PRPF18: variants seen among roughly 807,000 people sequenced by gnomAD.
The protein encoded by PRPF18 is pre-mRNA-splicing factor 18.
A neutral mutation model predicts 46.5 loss-of-function variants in PRPF18; 38 were observed. The observed-to-expected ratio is 0.82, with a 90% confidence interval of 0.63 to 1.07. PRPF18 has a LOEUF of 1.07. Among genes scored for constraint, PRPF18 ranks in the 50% least tolerant of loss-of-function variants. The pLI is 0.00. For synonymous variants in PRPF18, 152 were observed against 146.7 expected (o/e 1.04, Z -0.26); for missense variants, 263 against 410.0 (o/e 0.64, Z 3.10).
chr10:13,650,442 A>G, the PRPF18 span, among the ~76,000 whole-genome samples: 1 of 152,138 alleles, frequency 6.6e-6, no homozygotes, highest in African/African-American at 2.4e-5. Flanking sequence ...TCGTGTATGT[A>G]TGTAGGTATT....
chr10:13,636,491 C>T, the PRPF18 span, among the ~76,000 whole-genome samples: 52 of 152,242 alleles, frequency 3.4e-4, no homozygotes, highest in Non-Finnish European at 5.0e-4. Flanking sequence ...TCTAGTGTTA[C>T]GCGTCAAGTG....
chr10:13,623,951 T>C (rs755624412), intron 9 of PRPF18, among the ~76,000 whole-genome samples: 1 of 152,222 alleles, frequency 6.6e-6, no homozygotes, highest in African/African-American at 2.4e-5. Context: ...ATTTACCATC[T>C]TAATCATTTT....
rs1383527860 is a variant in PRPF18 at position 13,630,835 on chromosome 10, C to T, written c.*495C>T. 6.6e-6 allele frequency: 1 copy of T among 152,010 alleles called. No homozygotes were observed. Among genetic ancestry groups the T allele is most frequent in the African/African-American group, 2.4e-5 (1 of 41,382 alleles). 9.4% of individuals were successfully genotyped at this position (152,010 alleles called of 1,614,324 possible). On this transcript the variant is annotated 3_prime_UTR_variant, in exon 10 of 10. Coordinates refer to ENST00000378572, the MANE Select transcript of PRPF18 (RefSeq NM_003675.4). Reference sequence around the variant, plus strand: ...ATGTTGCTGAACTTTTGCTGTCTTGCAATAGAATTTGAATGTAAATATTAT... The same window carrying T: ...ATGTTGCTGAACTTTTGCTGTCTTGTAATAGAATTTGAATGTAAATATTAT...
the PRPF18 span, chr10:13,651,642 C>A: frequency 2.4e-6 from 1 of 423,386 alleles, no homozygotes; most frequent in African/African-American, 2.0e-5. Context: ...CACTGCACTC[C>A]AGCCTGGGCA....
At chr10:13,601,778 A>G (rs2080113857) in intron 3 of PRPF18, among the ~76,000 whole-genome samples, 1 of 152,198 alleles carries the variant, frequency 6.6e-6, no homozygotes, top group African/African-American at 2.4e-5. Flanking sequence ...GGAGACTTTC[A>G]TGATAAAATA....
At chr10:13,620,381 A>T (rs556335168) in intron 9 of PRPF18, among the ~76,000 whole-genome samples, 2 of 152,348 alleles carry the variant, frequency 1.3e-5, no homozygotes, top group South Asian at 4.1e-4. Context: ...GGAGGTAATT[A>T]TGAAAATCAT....
At chr10:13,590,014 A>G (rs572249949) in intron 1 of PRPF18, among the ~76,000 whole-genome samples, 17 of 152,220 alleles carry the variant, frequency 1.1e-4, no homozygotes, top group Non-Finnish European at 1.9e-4. Flanking sequence ...CTTTAAAGGG[A>G]AAAGTGAATC....
the PRPF18 span, among the ~76,000 whole-genome samples, chr10:13,637,587 AT>A: frequency 1.3e-5 from 2 of 152,126 alleles, no homozygotes. Context: ...AGATATCTGT[AT>A]TGCAAATAAG....
chr10:13,596,980 T>C (rs943628657), intron 1 of PRPF18, among the ~76,000 whole-genome samples: 4 of 152,168 alleles, frequency 2.6e-5, no homozygotes, highest in Non-Finnish European at 5.9e-5. Flanking sequence ...TATAATAAGG[T>C]TCCAGGTAAC....
chr10:13,611,697 G>T lies in PRPF18; in HGVS notation c.579+14G>T. 6.2e-7 allele frequency: 1 copy of T among 1,609,972 alleles called. No homozygotes were observed. The highest frequency in any genetic ancestry group is 1.1e-5 in the South Asian group (1 of 90,960). ...AAATTCCTGAAGGTGCGTGTCTTAGGCGAGGGGATGAGGATGCCTTGGATC... is the reference window on the plus strand; with the variant it reads ...AAATTCCTGAAGGTGCGTGTCTTAGTCGAGGGGATGAGGATGCCTTGGATC... On this transcript the variant is annotated intron_variant, in intron 6 of 9. Transcript: ENST00000378572.
At chr10:13,619,438 A>ACACC (rs1379348812) in intron 9 of PRPF18, among the ~76,000 whole-genome samples, 1 of 152,222 alleles carries the variant, frequency 6.6e-6, no homozygotes, top group African/African-American at 2.4e-5. Context: ...ATGGAGGAAG[A>ACACC]CACCCACCTC....
intron 1 of PRPF18, among the ~76,000 whole-genome samples, chr10:13,595,656 TA>T (rs934309192): frequency 6.6e-6 from 1 of 152,178 alleles, no homozygotes; most frequent in Non-Finnish European, 1.5e-5. Flanking sequence ...AAAAAGGGGT[TA>T]ATACTATTTG....
intron 3 of PRPF18, 121 bp downstream of exon 3, chr10:13,600,469 C>A: frequency 1.5e-6 from 1 of 673,394 alleles, no homozygotes; most frequent in Non-Finnish European, 2.3e-6. Flanking sequence ...TCTAAAAATG[C>A]TGTGCAGCTA....
chr10:13,621,490 C>T (rs1233068909), intron 9 of PRPF18, among the ~76,000 whole-genome samples: 1 of 152,186 alleles, frequency 6.6e-6, no homozygotes, highest in African/African-American at 2.4e-5. Flanking sequence ...GTTCCAGTGG[C>T]CACTCTCCTC....
chr10:13,589,357 A>G (rs543324302), intron 1 of PRPF18, among the ~76,000 whole-genome samples: 2 of 152,362 alleles, frequency 1.3e-5, no homozygotes, highest in Admixed American at 6.5e-5. Flanking sequence ...CACAACCAGC[A>G]AACTTTAGTA....
rs191255205 is a variant in PRPF18 at position 13,606,577 on chromosome 10, A to T, written c.363+833A>T. 5.2e-3 allele frequency among the ~76,000 whole-genome samples: 795 copies of T among 152,192 alleles called. 4 individuals carry two copies. The highest frequency in any genetic ancestry group is 0.017 in the South Asian group (80 of 4,816). On this transcript the variant is annotated intron_variant, in intron 4 of 9. Coordinates refer to ENST00000378572, the MANE Select transcript of PRPF18 (RefSeq NM_003675.4). ...TGGTGAAACCCCGTCTCTACTAAAAATACAAAAATTAGCTGGGCGTAGTGG... is the reference window on the plus strand; with the variant it reads ...TGGTGAAACCCCGTCTCTACTAAAATTACAAAAATTAGCTGGGCGTAGTGG...
chr10:13,637,244 A>G, the PRPF18 span: 1 of 152,222 alleles, frequency 6.6e-6, no homozygotes, highest in Non-Finnish European at 1.5e-5. Flanking sequence ...AGTTATTGTC[A>G]AAGAGTTTTC....
At chr10:13,648,499 C>CAGGGGA in the PRPF18 span, 2 of 152,182 alleles carry the variant, frequency 1.3e-5, no homozygotes, top group African/African-American at 2.4e-5. Flanking sequence ...CCGTGGGGGC[C>CAGGGGA]AGGGGACAAG....
chr10:13,609,907 T>G (rs1303800716), intron 4 of PRPF18, 132 bp from the exon 5 acceptor site: 1 of 856,472 alleles, frequency 1.2e-6, no homozygotes, highest in Non-Finnish European at 1.8e-6. Context: ...TGATGTGATT[T>G]GAGTCCCTAC....
Sources: gnomAD v4.1 joint callset for allele counts (sites outside exome capture counted in the v4.1 genomes callset) on GRCh38, gnomAD v4.1.1 for gene constraint, MANE v1.5 for transcripts, NCBI Gene and HGNC (gene_info 2026-07-23, HGNC 2026-07-21) for gene names.